GPC5: variants seen among roughly 807,000 people sequenced by gnomAD.
The protein encoded by GPC5 is glypican 5.
A neutral mutation model predicts 53.9 loss-of-function variants in GPC5; 47 were observed. That is an observed-to-expected ratio of 0.87 (90% CI 0.69 to 1.11). GPC5 has a LOEUF of 1.11. Ranked by LOEUF, GPC5 falls within the 50% of genes most tolerant of loss-of-function variation. GPC5 has a pLI of 0.00. For synonymous variants in GPC5, 286 were observed against 263.3 expected (o/e 1.09, Z -0.84); for missense variants, 748 against 713.1 (o/e 1.05, Z -0.56).
At chr13:91,415,927 A>G (rs1003263289) in intron 1 of GPC5, among the ~76,000 whole-genome samples, 5 of 152,118 alleles carry the variant, frequency 3.3e-5, no homozygotes, top group African/African-American at 1.2e-4. Context: ...AATTTTTTTT[A>G]CAAATGTGTT....
At chr13:92,043,830 T>G (rs1413660465) in intron 6 of GPC5, among the ~76,000 whole-genome samples, 1 of 152,182 alleles carries the variant, frequency 6.6e-6, no homozygotes, top group Non-Finnish European at 1.5e-5. Flanking sequence ...ACCAAAACTT[T>G]TGAAGAATAC....
At chr13:92,544,569 G>A (rs1050801718) in intron 7 of GPC5, among the ~76,000 whole-genome samples, 3 of 152,062 alleles carry the variant, frequency 2.0e-5, no homozygotes, top group African/African-American at 7.2e-5. Flanking sequence ...AACCCTAGTG[G>A]CTTTTGATTG....
intron 2 of GPC5, among the ~76,000 whole-genome samples, chr13:91,610,163 C>T (rs1223663903): frequency 6.6e-6 from 1 of 152,076 alleles, no homozygotes; most frequent in Non-Finnish European, 1.5e-5. Context: ...TAAAGTATGT[C>T]AGAACAGTAG....
chr13:92,484,221 C>G (rs1879468861), intron 7 of GPC5, among the ~76,000 whole-genome samples: 1 of 152,068 alleles, frequency 6.6e-6, no homozygotes, highest in Non-Finnish European at 1.5e-5. Flanking sequence ...TCTTGTACTA[C>G]TGGAGGGACT....
intron 7 of GPC5, among the ~76,000 whole-genome samples, chr13:92,296,026 G>C (rs1045509934): frequency 3.9e-5 from 6 of 151,946 alleles, no homozygotes; most frequent in Non-Finnish European, 8.8e-5. Flanking sequence ...TTGGTTTTTT[G>C]TTTTTTAAGT....
At chr13:92,100,367 A>C (rs1456122860) in intron 6 of GPC5, among the ~76,000 whole-genome samples, 3 of 152,150 alleles carry the variant, frequency 2.0e-5, no homozygotes, top group East Asian at 1.9e-4. Context: ...ACAGCACTGC[A>C]CTCCAGCCTG....
At chr13:92,622,907 C>G (rs75304531) in intron 7 of GPC5, among the ~76,000 whole-genome samples, 1 of 151,592 alleles carries the variant, frequency 6.6e-6, no homozygotes, top group African/African-American at 2.4e-5. Context: ...AGCACCTCAG[C>G]GAGAATGTGG....
intron 6 of GPC5, among the ~76,000 whole-genome samples, chr13:91,912,360 A>G (rs1168263561): frequency 2.6e-5 from 4 of 152,118 alleles, no homozygotes; most frequent in African/African-American, 9.7e-5. Flanking sequence ...CCCAACAACA[A>G]CAACAACAAA....
intron 5 of GPC5, among the ~76,000 whole-genome samples, chr13:91,835,513 A>G (rs1160945979): frequency 6.6e-6 from 1 of 152,154 alleles, no homozygotes; most frequent in Non-Finnish European, 1.5e-5. Context: ...TAGACTGGAT[A>G]AAGAAATGTG....
At chr13:91,653,267 C>A (rs982153554) in intron 2 of GPC5, among the ~76,000 whole-genome samples, 2 of 152,140 alleles carry the variant, frequency 1.3e-5, no homozygotes, top group African/African-American at 4.8e-5. Context: ...TCACATTTGG[C>A]TTTTAATAAA....
chr13:92,067,617 T>C (rs1381126859), intron 6 of GPC5, among the ~76,000 whole-genome samples: 1 of 152,050 alleles, frequency 6.6e-6, no homozygotes, highest in African/African-American at 2.4e-5. Flanking sequence ...GATGTGTAAG[T>C]ATGCAAATAA....
chr13:91,636,803 A>G (rs181012866), intron 2 of GPC5, among the ~76,000 whole-genome samples: 1 of 150,196 alleles, frequency 6.7e-6, no homozygotes, highest in Non-Finnish European at 1.5e-5. Flanking sequence ...AAAAATAATT[A>G]AAAAAAAAAT....
rs149048445 is a variant in GPC5, at chr13:92,191,420, T to G, written c.1561+46431T>G. Among the ~76,000 whole-genome samples, 17 of 152,246 alleles carry G rather than the reference T, an allele frequency of 1.1e-4. No homozygotes were observed. In the East Asian group the frequency reaches 3.3e-3, roughly 29 times the overall value. Reference sequence around the variant, plus strand: ...TGGAGCAGCTGGAACTCTCAATAATTGCTGACGGGAATGTAAAATGCTACA... The same window carrying G: ...TGGAGCAGCTGGAACTCTCAATAATGGCTGACGGGAATGTAAAATGCTACA... On this transcript the variant is annotated intron_variant, in intron 7 of 7. Coordinates refer to ENST00000377067, the MANE Select transcript of GPC5 (RefSeq NM_004466.6).
chr13:92,026,589 C>G (rs2040802973), intron 6 of GPC5, among the ~76,000 whole-genome samples: 1 of 151,486 alleles, frequency 6.6e-6, no homozygotes, highest in East Asian at 1.9e-4. Flanking sequence ...AAAAAATTAT[C>G]CTATTTTATA....
intron 7 of GPC5, among the ~76,000 whole-genome samples, chr13:92,475,182 C>A (rs1475226170): frequency 6.6e-6 from 1 of 151,480 alleles, no homozygotes; most frequent in Non-Finnish European, 1.5e-5. Context: ...CTTGGCGATG[C>A]GGGCTCTTTT....
At chr13:92,612,143 G>T (rs192729315) in intron 7 of GPC5, among the ~76,000 whole-genome samples, 1 of 152,112 alleles carries the variant, frequency 6.6e-6, no homozygotes, top group African/African-American at 2.4e-5. Flanking sequence ...TTGAAGGGAG[G>T]TTAATGTGCA....
chr13:91,419,150 A>G (rs1878434564), intron 1 of GPC5, among the ~76,000 whole-genome samples: 2 of 152,162 alleles, frequency 1.3e-5, no homozygotes, highest in Admixed American at 1.3e-4. Flanking sequence ...TTTGAGCAAG[A>G]AGGAATCAAG....
At chr13:92,428,147 T>C (rs1167950946) in intron 7 of GPC5, among the ~76,000 whole-genome samples, 1 of 152,114 alleles carries the variant, frequency 6.6e-6, no homozygotes, top group African/African-American at 2.4e-5. Flanking sequence ...TATCTTCTCT[T>C]TATTTCTTCA....
intron 7 of GPC5, among the ~76,000 whole-genome samples, chr13:92,752,453 G>A (rs1410710811): frequency 6.6e-6 from 1 of 152,162 alleles, no homozygotes; most frequent in Admixed American, 6.6e-5. Flanking sequence ...GTAAAAAAGA[G>A]TGCTAAGAAT....
Sources: allele counts gnomAD v4.1 joint callset (sites outside exome capture counted in the v4.1 genomes callset), GRCh38; gene constraint gnomAD v4.1.1; transcripts MANE v1.5; gene names NCBI Gene and HGNC (gene_info 2026-07-23, HGNC 2026-07-21).